The following COL13A1 variants were observed in gnomAD, a reference collection of about 807,000 sequenced individuals.
The protein encoded by COL13A1 is collagen type XIII alpha 1 chain, also known as collagen alpha-1(XIII) chain.
COL13A1 carries 89 observed loss-of-function variants against 130.9 expected under a neutral mutation model. The ratio of observed to expected loss-of-function variants is 0.68; its 90% CI spans 0.57 to 0.81. The LOEUF is 0.81. Among genes scored for constraint, COL13A1 ranks in the 30% least tolerant of loss-of-function variants. The pLI is 0.00. For missense variants in COL13A1, 879 were observed against 934.6 expected, an observed-to-expected ratio of 0.94 and a Z score of 0.78; for synonymous variants, 402 against 341.6, an observed-to-expected ratio of 1.18 and a Z score of -1.95.
chr10:69,838,374 C>A (rs937635121), intron 2 of COL13A1, among the ~76,000 whole-genome samples: 2 of 152,228 alleles, frequency 1.3e-5, no homozygotes, highest in Non-Finnish European at 2.9e-5. Flanking sequence ...AACTGTGTTA[C>A]AATGGGCAAG....
At chr10:69,811,068 G>A (rs1034288353) in intron 1 of COL13A1, among the ~76,000 whole-genome samples, 3 of 152,206 alleles carry the variant, frequency 2.0e-5, no homozygotes, top group African/African-American at 4.8e-5. Context: ...TGGGGCCCAC[G>A]TAGGCTGGGC....
At chr10:69,853,413 G>T (rs559540955) in intron 2 of COL13A1, among the ~76,000 whole-genome samples, 1 of 152,132 alleles carries the variant, frequency 6.6e-6, no homozygotes, top group East Asian at 1.9e-4. Flanking sequence ...TCCAGCCTCC[G>T]ATTCCTCATT....
At chr10:69,897,720 G>A (rs911318460) in intron 13 of COL13A1, among the ~76,000 whole-genome samples, 6 of 152,214 alleles carry the variant, frequency 3.9e-5, no homozygotes, top group South Asian at 2.1e-4. Flanking sequence ...CCAGCTGGGC[G>A]CATTCGCAGC....
At chr10:69,905,047 A>G (rs1450353112) in intron 16 of COL13A1, 88 bp downstream of exon 16, 2 of 1,408,606 alleles carry the variant, frequency 1.4e-6, no homozygotes, top group Non-Finnish European at 1.9e-6. Context: ...TGACTGAGGC[A>G]GGAGCAGAGA....
At chr10:69,847,029 T>A (rs1254482179) in intron 2 of COL13A1, among the ~76,000 whole-genome samples, 1 of 152,220 alleles carries the variant, frequency 6.6e-6, no homozygotes, top group African/African-American at 2.4e-5. Context: ...AGAGGGACAC[T>A]CTTTCTTGAC....
intron 13 of COL13A1, among the ~76,000 whole-genome samples, chr10:69,896,837 T>G (rs1204076183): frequency 1.3e-5 from 2 of 152,370 alleles, no homozygotes; most frequent in East Asian, 3.9e-4. Context: ...GCTCCAGGGA[T>G]GCAGGGGCCC....
chr10:69,923,202 C>A (rs2064914589), intron 23 of COL13A1, among the ~76,000 whole-genome samples: 1 of 152,334 alleles, frequency 6.6e-6, no homozygotes, highest in East Asian at 1.9e-4. Context: ...AGAGGCCCCC[C>A]ACCTTGGCTC....
At position 69,895,573 on chromosome 10, in the gene COL13A1, C is replaced by G. The variant is rs1055965411; in HGVS notation, c.681C>G (p.His227Gln). The G allele has an allele frequency of 6.2e-7, 1 of 1,613,976 alleles. No homozygotes were observed. The highest frequency in any genetic ancestry group is 8.5e-7 in the Non-Finnish European group (1 of 1,179,882). ...GEKGQCGEYP[H>Q]RLLPLLNSVR... is the part of the protein sequence containing the mutation. ...AGGGTCAGTGTGGAGAGTACCCACA[C>G]CGGGTAAGTGAACCCCTAAAATTTA... The change falls in exon 13 of 41, where the codon CAC (histidine) becomes CAG (glutamine). Residue 227 changes from histidine to glutamine, a missense_variant. His to Gln is a conservative substitution (Grantham distance 24). This residue lies in a region of COL13A1 where 715 missense variants were observed against 721.0 expected (regional missense o/e 0.99). Transcript: ENST00000645393.
intron 17 of COL13A1, among the ~76,000 whole-genome samples, chr10:69,916,086 A>G (rs2063885830): frequency 6.6e-6 from 1 of 152,202 alleles, no homozygotes; most frequent in African/African-American, 2.4e-5. Context: ...AAGAGGGTGG[A>G]AGTCCTCTAG....
At chr10:69,937,144 C>T (rs2067036200) in intron 33 of COL13A1, among the ~76,000 whole-genome samples, 1 of 152,198 alleles carries the variant, frequency 6.6e-6, no homozygotes, top group Admixed American at 6.5e-5. Context: ...TGGGGGGACT[C>T]TGCACTGGGC....
intron 35 of COL13A1, among the ~76,000 whole-genome samples, chr10:69,941,660 C>T (rs1334926236): frequency 1.3e-5 from 2 of 152,210 alleles, no homozygotes; most frequent in Non-Finnish European, 2.9e-5. Context: ...AAGTGAGGCA[C>T]ACTTGGGTCC....
At position 69,921,867 on chromosome 10, in the gene COL13A1, T is replaced by A; in HGVS notation, c.1090-15T>A. The A allele has an allele frequency of 6.2e-7, 1 of 1,600,710 alleles. No homozygotes were observed. Among genetic ancestry groups the A allele is most frequent in the Non-Finnish European group, 8.5e-7 (1 of 1,173,844 alleles). ...AACAGTTCCTAACCCCCACACTGTC[T>A]GCATCTCCCTGCAGGGTGAGAAGGG... On this transcript the variant is annotated splice_polypyrimidine_tract_variant and intron_variant, in intron 21 of 40. Transcript: ENST00000645393.
chr10:69,936,693 G>T, intron 32 of COL13A1, 63 bp from the exon 33 acceptor site: 2 of 1,595,968 alleles, frequency 1.3e-6, no homozygotes, highest in South Asian at 2.2e-5. Flanking sequence ...TCCATTTGTG[G>T]ACTAGGCAGT....
chr10:69,837,087 G>A (rs1214639489), intron 2 of COL13A1, among the ~76,000 whole-genome samples: 4 of 152,154 alleles, frequency 2.6e-5, no homozygotes, highest in Non-Finnish European at 4.4e-5. Flanking sequence ...CGGCTCCAGG[G>A]TGCCCAGGGC....
intron 36 of COL13A1, among the ~76,000 whole-genome samples, 199 bp downstream of exon 36, chr10:69,944,377 C>T (rs1037808987): frequency 1.3e-5 from 2 of 152,098 alleles, no homozygotes; most frequent in African/African-American, 2.4e-5. Context: ...ATGGAGAGGC[C>T]GGGCACGTTG....
At chr10:69,848,084 A>C (rs1853647321) in intron 2 of COL13A1, among the ~76,000 whole-genome samples, 1 of 152,196 alleles carries the variant, frequency 6.6e-6, no homozygotes, top group South Asian at 2.1e-4. Context: ...TCATTTGCTC[A>C]AGACCTCTGA....
rs760426311 is a variant in COL13A1, at chr10:69,895,533, T to A, written c.658-17T>A. The A allele has an allele frequency of 6.2e-7, 1 of 1,613,930 alleles. No homozygotes were observed. On this transcript the variant is annotated splice_polypyrimidine_tract_variant and intron_variant, in intron 12 of 40. Coordinates refer to ENST00000645393, the MANE Select transcript of COL13A1 (RefSeq NM_001368882.1). ...ACAAGTGCCTAACACCACCTTTCCC[T>A]TCCCTCTCCTTCCCAGGGTCAGTGT...
chr10:69,920,484 TA>T (rs2064504639), intron 21 of COL13A1, among the ~76,000 whole-genome samples: 1 of 152,204 alleles, frequency 6.6e-6, no homozygotes, highest in Non-Finnish European at 1.5e-5. Context: ...TGGCTGTATT[TA>T]GATAGGGCCT....
At position 69,842,110 on chromosome 10, in the gene COL13A1, C is replaced by A. The variant is rs144197113; in HGVS notation, c.364+19672C>A. ...TGAATTGTAGCTCCCATAATTCCCACGTGTTGTGAGAGGGACCTGGTGGGA... is the reference window on the plus strand; with the variant it reads ...TGAATTGTAGCTCCCATAATTCCCAAGTGTTGTGAGAGGGACCTGGTGGGA... On this transcript the variant is annotated intron_variant, in intron 2 of 40. Coordinates refer to ENST00000645393, the MANE Select transcript of COL13A1 (RefSeq NM_001368882.1). Among the ~76,000 whole-genome samples, 332 of 152,278 alleles carry A rather than the reference C, an allele frequency of 2.2e-3. 6 individuals are homozygous for A. Among genetic ancestry groups the A allele is most frequent in the Admixed American group, 0.018 (275 of 15,300 alleles).
Sources: gnomAD v4.1 joint callset for allele counts (sites outside exome capture counted in the v4.1 genomes callset) on GRCh38, gnomAD v4.1.1 for gene constraint, gnomAD v4.1.1 regional missense constraint, MANE v1.5 for transcripts, NCBI Gene and HGNC (gene_info 2026-07-23, HGNC 2026-07-21) for gene names.